EIPR1: variants seen among roughly 807,000 people sequenced by gnomAD.
The protein encoded by EIPR1 is EARP and GARP complex-interacting protein 1.
In EIPR1, 25 loss-of-function variants were observed where a neutral mutation model predicts 48.1. The observed-to-expected ratio is 0.52, with a 90% CI of 0.38 to 0.73. EIPR1 has a LOEUF of 0.73. Among genes scored for constraint, EIPR1 ranks in the 30% least tolerant of loss-of-function variants. The pLI, the probability that EIPR1 is intolerant of heterozygous loss-of-function variation, is 0.00. For missense variants in EIPR1, 415 were observed against 506.2 expected (o/e 0.82, Z 1.73); for synonymous variants, 204 against 201.9 (o/e 1.01, Z -0.09).
intron 3 of EIPR1, among the ~76,000 whole-genome samples, chr2:3,309,507 G>A (rs1249951561): frequency 1.3e-5 from 2 of 152,142 alleles, no homozygotes; most frequent in Non-Finnish European, 2.9e-5. Context: ...TAATTTAGAG[G>A]TCAGTAGTCT....
At chr2:3,242,707 T>G (rs910099139) in intron 4 of EIPR1, among the ~76,000 whole-genome samples, 1 of 152,248 alleles carries the variant, frequency 6.6e-6, no homozygotes, top group Non-Finnish European at 1.5e-5. Context: ...AAGAAAGATA[T>G]GTATCTATCC....
At chr2:3,338,823 G>A (rs1670145989) in intron 2 of EIPR1, among the ~76,000 whole-genome samples, 1 of 152,146 alleles carries the variant, frequency 6.6e-6, no homozygotes, top group African/African-American at 2.4e-5. Flanking sequence ...ATAACTTTTA[G>A]AGGAATTAAA....
chr2:3,283,665 G>T (rs1316790335), intron 3 of EIPR1, among the ~76,000 whole-genome samples: 2 of 152,240 alleles, frequency 1.3e-5, no homozygotes, highest in Non-Finnish European at 2.9e-5. Flanking sequence ...AGGGAAAACT[G>T]CTGGGCACAG....
chr2:3,337,495 G>A (rs1572460332), intron 3 of EIPR1, among the ~76,000 whole-genome samples: 1 of 152,288 alleles, frequency 6.6e-6, no homozygotes, highest in Middle Eastern at 3.4e-3. Context: ...TGGGGAAGAG[G>A]AAGGCTCAGT....
At chr2:3,262,310 A>T (rs1667358222) in intron 3 of EIPR1, among the ~76,000 whole-genome samples, 1 of 152,222 alleles carries the variant, frequency 6.6e-6, no homozygotes, top group Non-Finnish European at 1.5e-5. Flanking sequence ...TCATGACATT[A>T]CAGTGACAAC....
intron 3 of EIPR1, among the ~76,000 whole-genome samples, chr2:3,290,039 A>G (rs4854165): frequency 0.34 from 52,284 of 152,202 alleles, 9,140 homozygotes; most frequent in African/African-American, 0.38. Flanking sequence ...CTTCCCAGCC[A>G]CTTGTTTCTC....
chr2:3,223,672 A>T (rs10209916), intron 4 of EIPR1, among the ~76,000 whole-genome samples: 3 of 152,148 alleles, frequency 2.0e-5, no homozygotes, highest in Non-Finnish European at 4.4e-5. Context: ...GAATCAATTC[A>T]CAAGGGGCTG....
intron 3 of EIPR1, among the ~76,000 whole-genome samples, chr2:3,308,488 G>A (rs917993985): frequency 1.5e-4 from 23 of 152,000 alleles, no homozygotes; most frequent in African/African-American, 5.6e-4. Flanking sequence ...TTGAACACCA[G>A]ACCAGAGAGA....
intron 2 of EIPR1, among the ~76,000 whole-genome samples, chr2:3,340,171 A>C (rs1161794591): frequency 6.6e-6 from 1 of 152,242 alleles, no homozygotes; most frequent in Non-Finnish European, 1.5e-5. Flanking sequence ...CTTAATAGCA[A>C]TATGAGAACG....
chr2:3,361,362 G>A (rs1670847888), intron 1 of EIPR1, among the ~76,000 whole-genome samples: 2 of 150,630 alleles, frequency 1.3e-5, no homozygotes, highest in Non-Finnish European at 2.9e-5. Flanking sequence ...AGGTCCCCAA[G>A]GAAACAGAGC....
intron 1 of EIPR1, among the ~76,000 whole-genome samples, chr2:3,374,502 G>GA (rs1187647715): frequency 1.3e-5 from 2 of 151,964 alleles, no homozygotes; most frequent in Non-Finnish European, 2.9e-5. Flanking sequence ...CTAATATCCA[G>GA]AATCTACAAT....
intron 3 of EIPR1, among the ~76,000 whole-genome samples, chr2:3,310,429 G>T (rs570164699): frequency 2.0e-5 from 3 of 147,346 alleles, no homozygotes; most frequent in Non-Finnish European, 3.0e-5. Context: ...CGAGGTGGGC[G>T]GATCACAAGG....
intron 3 of EIPR1, among the ~76,000 whole-genome samples, chr2:3,323,978 G>A (rs887592662): frequency 1.4e-4 from 21 of 152,196 alleles, no homozygotes; most frequent in Admixed American, 2.6e-4. Flanking sequence ...TCAAGGCCCA[G>A]ACATGTAGGA....
chr2:3,340,223 T>G (rs961339447), intron 2 of EIPR1, among the ~76,000 whole-genome samples: 2 of 152,214 alleles, frequency 1.3e-5, no homozygotes, highest in Non-Finnish European at 2.9e-5. Flanking sequence ...CTGGACTTGC[T>G]CAGAGTGGAA....
chr2:3,326,362 G>T (rs919966255), intron 3 of EIPR1, among the ~76,000 whole-genome samples: 1 of 152,172 alleles, frequency 6.6e-6, no homozygotes, highest in Admixed American at 6.5e-5. Flanking sequence ...AAAGCAGAGA[G>T]TCTAGGTTTT....
chr2:3,194,299 G>C, intron 6 of EIPR1, 133 bp from the exon 7 acceptor site: 1 of 1,101,968 alleles, frequency 9.1e-7, no homozygotes, highest in Non-Finnish European at 1.3e-6. Context: ...TCCCCTCGGC[G>C]TTCCTGCCCT....
At chr2:3,246,584 G>A (rs559968261) in intron 4 of EIPR1, among the ~76,000 whole-genome samples, 15 of 152,214 alleles carry the variant, frequency 9.9e-5, no homozygotes, top group African/African-American at 3.6e-4. Context: ...CCCAGAAACT[G>A]GCTCAGATGG....
At chr2:3,367,824 G>A (rs562342576) in intron 1 of EIPR1, among the ~76,000 whole-genome samples, 2 of 152,194 alleles carry the variant, frequency 1.3e-5, no homozygotes, top group East Asian at 3.9e-4. Context: ...CAAGGCAGAC[G>A]GATCACAAGG....
intron 3 of EIPR1, among the ~76,000 whole-genome samples, chr2:3,331,004 ACACT>A (rs1274410173): frequency 1.3e-5 from 2 of 148,450 alleles, no homozygotes; most frequent in Non-Finnish European, 3.0e-5. Flanking sequence ...ACAGGTGCAC[ACACT>A]CATGAGGTGG....
Sources: gnomAD v4.1 joint callset for allele counts (sites outside exome capture counted in the v4.1 genomes callset) on GRCh38, gnomAD v4.1.1 for gene constraint, MANE v1.5 for transcripts, NCBI Gene and HGNC (gene_info 2026-07-23, HGNC 2026-07-21) for gene names.